Variants in MAP3K20 observed in about 807,000 individuals in gnomAD.
The protein encoded by MAP3K20 is HCCS-4.
Under a neutral mutation model 85.7 loss-of-function variants are expected in MAP3K20, and 40 were observed. That is an observed-to-expected ratio of 0.47 (90% CI 0.36 to 0.61). MAP3K20 has a LOEUF of 0.61. Among genes scored for constraint, MAP3K20 ranks in the 20% least tolerant of loss-of-function variants. The pLI is 0.00. For synonymous variants in MAP3K20, 325 were observed against 327.7 expected, an observed-to-expected ratio of 0.99 and a Z score of 0.09; for missense variants, 817 against 961.7, an observed-to-expected ratio of 0.85 and a Z score of 1.99.
At chr2:173,145,089 C>A (rs1328711988) in intron 2 of MAP3K20, among the ~76,000 whole-genome samples, 1 of 152,050 alleles carries the variant, frequency 6.6e-6, no homozygotes, top group Non-Finnish European at 1.5e-5. Context: ...ATTCAAGATC[C>A]AGGGTAAACC....
intron 3 of MAP3K20, among the ~76,000 whole-genome samples, chr2:173,171,004 C>T (rs527641040): frequency 6.6e-6 from 1 of 152,184 alleles, no homozygotes; most frequent in African/African-American, 2.4e-5. Context: ...TGCTTTTACT[C>T]TTAGTAGCAT....
chr2:173,086,921 C>G (rs1283823227), intron 1 of MAP3K20, among the ~76,000 whole-genome samples: 3 of 152,228 alleles, frequency 2.0e-5, no homozygotes, highest in African/African-American at 7.2e-5. Context: ...AATACACTCT[C>G]CGAAGAAGCC....
At chr2:173,263,124 G>A (rs183459189) in intron 18 of MAP3K20, among the ~76,000 whole-genome samples, 2 of 152,240 alleles carry the variant, frequency 1.3e-5, no homozygotes, top group African/African-American at 2.4e-5. Flanking sequence ...TAGTGAGGAG[G>A]GAGATTTCAG....
Position 173,266,723 on chromosome 2 carries a change from G to C in MAP3K20, c.2376G>C (p.Gly792=). 6.4e-7 allele frequency: 1 copy of C among 1,551,474 alleles called. No individual in the cohort carries two copies. The highest frequency in any genetic ancestry group is 8.7e-7 in the Non-Finnish European group (1 of 1,149,090). ...AAACCAATAAAGAGAGAGCCAGAGG[G>C]GACCACCGTGGATGGAGAAACTTTT... is the stretch of plus-strand genomic sequence containing the variant. ...PAKTNKERAR[G]DHRGWRNF is the part of the protein sequence containing the mutation. Residue 792 remains glycine, a synonymous_variant, in exon 20 of 20, where the codon GGG becomes GGC. Transcript: ENST00000375213.
intron 7 of MAP3K20, among the ~76,000 whole-genome samples, chr2:173,192,144 TG>T (rs1206514198): frequency 6.6e-6 from 1 of 152,252 alleles, no homozygotes; most frequent in African/African-American, 2.4e-5. Flanking sequence ...TTCATAGTAA[TG>T]GGTAAAGAAG....
chr2:173,079,640 T>C (rs1686959407), intron 1 of MAP3K20, among the ~76,000 whole-genome samples: 1 of 149,096 alleles, frequency 6.7e-6, no homozygotes, highest in African/African-American at 2.5e-5. Context: ...ATTTTTTTTC[T>C]ATTTTTAAAT....
intron 2 of MAP3K20, among the ~76,000 whole-genome samples, chr2:173,098,205 T>A (rs1687519474): frequency 6.6e-6 from 1 of 152,222 alleles, no homozygotes; most frequent in Non-Finnish European, 1.5e-5. Flanking sequence ...ATAGTTTCTA[T>A]AATAACTCGT....
At position 173,188,862 on chromosome 2, in the gene MAP3K20, A is replaced by G. The variant is rs143861152; in HGVS notation, c.415+1239A>G. Among the ~76,000 whole-genome samples, 387 of 152,316 alleles carry G rather than the reference A, an allele frequency of 2.5e-3. 3 individuals carry two copies. Among genetic ancestry groups the G allele is most frequent in the African/African-American group, 9.0e-3 (373 of 41,558 alleles). ...TAGTAGAAAAGATCAGAGTTTTATGAATTTGTAAATTTTCAGTTCATGCTC... is the reference window on the plus strand; with the variant it reads ...TAGTAGAAAAGATCAGAGTTTTATGGATTTGTAAATTTTCAGTTCATGCTC... On this transcript the variant is annotated intron_variant, in intron 5 of 19. Transcript: ENST00000375213.
At chr2:173,086,989 A>G (rs1189104533) in intron 1 of MAP3K20, among the ~76,000 whole-genome samples, 3 of 152,240 alleles carry the variant, frequency 2.0e-5, no homozygotes, top group Admixed American at 2.0e-4. Context: ...ACTTGTAAAA[A>G]TTACACACCT....
intron 16 of MAP3K20, among the ~76,000 whole-genome samples, chr2:173,245,257 C>T (rs11901931): frequency 0.23 from 35,318 of 151,920 alleles, 5,138 homozygotes; most frequent in East Asian, 0.59. Context: ...GAATTCAGAT[C>T]AAGTTATTTT....
At chr2:173,246,516 C>T (rs1684917814) in intron 16 of MAP3K20, among the ~76,000 whole-genome samples, 1 of 152,132 alleles carries the variant, frequency 6.6e-6, no homozygotes, top group African/African-American at 2.4e-5. Context: ...CTTATCAGCT[C>T]ACCACGCAGG....
intron 2 of MAP3K20, among the ~76,000 whole-genome samples, chr2:173,153,196 C>A (rs1180219297): frequency 6.6e-6 from 1 of 152,166 alleles, no homozygotes; most frequent in Non-Finnish European, 1.5e-5. Context: ...CAACAGGAGG[C>A]CCACCTTACT....
intron 17 of MAP3K20, among the ~76,000 whole-genome samples, chr2:173,260,439 G>A (rs1473128497): frequency 6.6e-6 from 1 of 150,594 alleles, no homozygotes; most frequent in Non-Finnish European, 1.5e-5. Flanking sequence ...TCATTCCTTT[G>A]CAGCCTTAAA....
At chr2:173,170,420 G>A (rs1028393805) in intron 3 of MAP3K20, among the ~76,000 whole-genome samples, 3 of 152,138 alleles carry the variant, frequency 2.0e-5, no homozygotes, top group Non-Finnish European at 2.9e-5. Context: ...ACAGAAATAC[G>A]CTTTCTAAAA....
intron 2 of MAP3K20, among the ~76,000 whole-genome samples, chr2:173,127,804 C>A (rs1341724078): frequency 6.6e-6 from 1 of 151,854 alleles, no homozygotes; most frequent in Non-Finnish European, 1.5e-5. Context: ...AATAAGAATA[C>A]CTGCAATCCC....
At chr2:173,100,383 G>A (rs539454129) in intron 2 of MAP3K20, among the ~76,000 whole-genome samples, 9 of 152,252 alleles carry the variant, frequency 5.9e-5, no homozygotes, top group African/African-American at 1.7e-4. Context: ...AAACAGCATC[G>A]TTCACTTGGG....
chr2:173,083,413 G>A (rs530071779), intron 1 of MAP3K20, among the ~76,000 whole-genome samples: 6 of 151,892 alleles, frequency 4.0e-5, no homozygotes, highest in African/African-American at 1.2e-4. Context: ...GAGTGCAGTG[G>A]CGTAATCATA....
At chr2:173,093,184 A>T (rs1382441462) in intron 2 of MAP3K20, among the ~76,000 whole-genome samples, 1 of 152,200 alleles carries the variant, frequency 6.6e-6, no homozygotes, top group Non-Finnish European at 1.5e-5. Flanking sequence ...AATAATTGTT[A>T]TGCTTTATGA....
chr2:173,247,507 A>G (rs1254347695), intron 16 of MAP3K20, among the ~76,000 whole-genome samples: 1 of 148,906 alleles, frequency 6.7e-6, no homozygotes, highest in African/African-American at 2.4e-5. Context: ...TTAAAAATTA[A>G]GTGAAGGGAA....
Sources: allele counts gnomAD v4.1 joint callset (sites outside exome capture counted in the v4.1 genomes callset), GRCh38; gene constraint gnomAD v4.1.1; transcripts MANE v1.5; gene names NCBI Gene and HGNC (gene_info 2026-07-23, HGNC 2026-07-21).